The following B4GALNT3 variants were observed in gnomAD, a reference collection of about 807,000 sequenced individuals.
B4GALNT3 encodes beta-1,4-N-acetylgalactosaminyltransferase 3.
A neutral mutation model predicts 120.2 loss-of-function variants in B4GALNT3; 86 were observed. The observed-to-expected ratio is 0.72, with a 90% CI of 0.60 to 0.86. The LOEUF is 0.86. Among genes scored for constraint, B4GALNT3 ranks in the 40% least tolerant of loss-of-function variants. B4GALNT3 has a pLI of 0.00. For missense variants in B4GALNT3, 1,167 were observed against 1,298.9 expected, an observed-to-expected ratio of 0.90 and a Z score of 1.56; for synonymous variants, 518 against 510.4, an observed-to-expected ratio of 1.01 and a Z score of -0.20.
In B4GALNT3 at chr12:472,976, C is replaced by CT. The variant is rs71439341; in HGVS notation, c.169+12451dup. On this transcript the variant is annotated intron_variant, in intron 1 of 19. Coordinates refer to ENST00000266383, the MANE Select transcript of B4GALNT3 (RefSeq NM_173593.4). Reference sequence around the variant, plus strand: ...GATTTGTACTTTAATTGTTCAAACACTTTTTTTTTTTTTTTTTTTTGGATA... The same window carrying CT: ...GATTTGTACTTTAATTGTTCAAACACTTTTTTTTTTTTTTTTTTTTTGGATA... Among the ~76,000 whole-genome samples the CT allele has an allele frequency of 3.2e-4, 47 of 146,732 alleles. 1 individual carries two copies. The highest frequency in any genetic ancestry group is 4.1e-4 in the Non-Finnish European group (27 of 66,604).
chr12:507,620 C>G (rs1003008011), intron 1 of B4GALNT3, among the ~76,000 whole-genome samples: 1 of 152,210 alleles, frequency 6.6e-6, no homozygotes, highest in African/African-American at 2.4e-5. Context: ...CTACGCCCTG[C>G]GAGTGGCTCT....
chr12:498,490 T>G (rs1303830590), intron 1 of B4GALNT3, among the ~76,000 whole-genome samples: 1 of 146,810 alleles, frequency 6.8e-6, no homozygotes, highest in Non-Finnish European at 1.5e-5. Context: ...GACTTCCTGT[T>G]TTTGTTTTGT....
At chr12:533,432 A>T (rs1032108008) in intron 1 of B4GALNT3, among the ~76,000 whole-genome samples, 1 of 152,192 alleles carries the variant, frequency 6.6e-6, no homozygotes. Flanking sequence ...TGGCAGAGGG[A>T]TAAAGCTGCA....
At chr12:471,833 T>G (rs1265622258) in intron 1 of B4GALNT3, among the ~76,000 whole-genome samples, 2 of 152,262 alleles carry the variant, frequency 1.3e-5, no homozygotes, top group African/African-American at 4.8e-5. Context: ...GCTGCCAATA[T>G]GTTAGCATCT....
At chr12:534,474 TC>T (rs1565604883) in intron 1 of B4GALNT3, among the ~76,000 whole-genome samples, 1 of 152,090 alleles carries the variant, frequency 6.6e-6, no homozygotes, top group Non-Finnish European at 1.5e-5. Flanking sequence ...AGTTTCCTGT[TC>T]CCTCCCTCCC....
At chr12:488,680 A>C (rs1411237759) in intron 1 of B4GALNT3, among the ~76,000 whole-genome samples, 1 of 152,104 alleles carries the variant, frequency 6.6e-6, no homozygotes, top group Non-Finnish European at 1.5e-5. Flanking sequence ...AAATTTTTTT[A>C]ACAATGGCAC....
chr12:505,191 CTCACCAGAGGTTTTA>C (rs2120552050), intron 1 of B4GALNT3, among the ~76,000 whole-genome samples: 1 of 152,292 alleles, frequency 6.6e-6, no homozygotes, highest in South Asian at 2.1e-4. Flanking sequence ...CACGCCTGGC[CTCACCAGAGGTTTTA>C]ACAGATGTTC....
At chr12:543,836 G>T (rs1483989810) in intron 3 of B4GALNT3, among the ~76,000 whole-genome samples, 1 of 135,766 alleles carries the variant, frequency 7.4e-6, no homozygotes, top group Non-Finnish European at 1.6e-5. Flanking sequence ...ATGGGCATGG[G>T]GTGCTCATCT....
At chr12:557,458 C>T in intron 15 of B4GALNT3, 150 bp from the exon 16 acceptor site, 1 of 713,908 alleles carries the variant, frequency 1.4e-6, no homozygotes, top group Non-Finnish European at 2.3e-6. Flanking sequence ...CTCTGTGCTG[C>T]ACTGCTAATG....
intron 1 of B4GALNT3, among the ~76,000 whole-genome samples, chr12:494,277 G>C (rs1946369529): frequency 7.4e-6 from 1 of 134,654 alleles, no homozygotes; most frequent in African/African-American, 2.8e-5. Context: ...GTGAGACCTT[G>C]TATAATACCT....
chr12:466,985 G>A (rs959030135), intron 1 of B4GALNT3, among the ~76,000 whole-genome samples: 13 of 152,054 alleles, frequency 8.5e-5, no homozygotes, highest in African/African-American at 2.2e-4. Flanking sequence ...CCAGTACCCC[G>A]GTGGGGGCGG....
At position 470,009 on chromosome 12, in the gene B4GALNT3, G is replaced by T. The variant is rs538682007; in HGVS notation, c.169+9464G>T. On this transcript the variant is annotated intron_variant, in intron 1 of 19. Transcript: ENST00000266383. ...TCCTAGCTTTGTAACTAATTTGCCT[G>T]GTTTCCTGTCTACAGGAAATCAGTT... 1.1e-4 allele frequency among the ~76,000 whole-genome samples: 16 copies of T among 152,172 alleles called. No homozygotes were observed. The South Asian group carries it at 1.7e-3, about 16-fold the overall frequency.
chr12:485,521 A>C (rs1046759953), intron 1 of B4GALNT3, among the ~76,000 whole-genome samples: 1 of 152,226 alleles, frequency 6.6e-6, no homozygotes, highest in African/African-American at 2.4e-5. Flanking sequence ...GAAGAAACCA[A>C]GACCCAGAAA....
In B4GALNT3 at chr12:553,410, C is replaced by T; in HGVS notation, c.1487C>T (p.Thr496Ile). 6.2e-7 allele frequency: 1 copy of T among 1,613,952 alleles called. No individual in the cohort carries two copies. Among genetic ancestry groups the T allele is most frequent in the Non-Finnish European group, 8.5e-7 (1 of 1,180,046 alleles). Residue 496 changes from threonine (T) to isoleucine (I), a missense_variant, in exon 14 of 20, where the codon ACA (threonine) becomes ATA (isoleucine). Transcript: ENST00000266383. ...GCCCCCTTCTCCAAGCGGAACTCCA[C>T]AGCGTCCTTCCCAGGGAGGACCAGC... is the stretch of plus-strand genomic sequence containing the variant. ...LLAPFSKRNS[T>I]ASFPGRTSHI...
intron 1 of B4GALNT3, among the ~76,000 whole-genome samples, chr12:498,923 CT>C (rs1946414868): frequency 6.6e-6 from 1 of 152,122 alleles, no homozygotes; most frequent in African/African-American, 2.4e-5. Flanking sequence ...TGGAAAGAAT[CT>C]TCATGATGGT....
chr12:511,437 A>T (rs1206002816), intron 1 of B4GALNT3, among the ~76,000 whole-genome samples: 1 of 32,850 alleles, frequency 3.0e-5, no homozygotes, highest in Non-Finnish European at 5.2e-5. Flanking sequence ...ACCTTCTTCC[A>T]CCTTCCACCT....
chr12:480,496 C>T (rs1946231049), intron 1 of B4GALNT3, among the ~76,000 whole-genome samples: 2 of 151,906 alleles, frequency 1.3e-5, no homozygotes, highest in Admixed American at 6.6e-5. Flanking sequence ...TTCCTGAGGT[C>T]CCCCTGACTG....
chr12:531,830 C>G (rs2120653074), intron 1 of B4GALNT3, among the ~76,000 whole-genome samples: 1 of 152,316 alleles, frequency 6.6e-6, no homozygotes, highest in African/African-American at 2.4e-5. Context: ...ATAATTTAAT[C>G]TTCACAGCAG....
intron 1 of B4GALNT3, among the ~76,000 whole-genome samples, chr12:485,809 T>C (rs142682214): frequency 0.012 from 1,891 of 152,284 alleles, 31 homozygotes; most frequent in African/African-American, 0.043. Flanking sequence ...CCTTCTGTCC[T>C]AACCACAAGT....
Sources: gnomAD v4.1 joint callset for allele counts (sites outside exome capture counted in the v4.1 genomes callset) on GRCh38, gnomAD v4.1.1 for gene constraint, MANE v1.5 for transcripts, NCBI Gene and HGNC (gene_info 2026-07-23, HGNC 2026-07-21) for gene names.